ZNF525: variants seen among roughly 807,000 people sequenced by gnomAD.
The protein encoded by ZNF525 is zinc finger protein 525.
Under a neutral mutation model 37.6 loss-of-function variants are expected in ZNF525, and 33 were observed. The ratio of observed to expected loss-of-function variants is 0.88; its 90% CI spans 0.67 to 1.17. The LOEUF (loss-of-function observed/expected upper bound fraction) is 1.17. ZNF525 is among the 50% of genes most tolerant of loss of function. The pLI is 0.00. For missense variants in ZNF525, 449 were observed against 543.1 expected (o/e 0.83, Z 1.72); for synonymous variants, 170 against 182.3 (o/e 0.93, Z 0.54).
In ZNF525 at chr19:53,382,320, T is replaced by C. The variant is rs930300812; in HGVS notation, c.*301T>C. ...TCATACTGGAGAGAAACCTTACAAA[T>C]GTGAAGAATGTGATGAAACTTTCAG... On this transcript the variant is annotated 3_prime_UTR_variant, in exon 4 of 4. Coordinates refer to ENST00000474037, the MANE Select transcript of ZNF525 (RefSeq NM_001348156.2). 50 of 1,346,486 alleles carry C rather than the reference T, an allele frequency of 3.7e-5. No homozygotes were observed. The highest frequency in any genetic ancestry group is 1.8e-4 in the Middle Eastern group (1 of 5,534). The allele number at this position is 1,346,486 out of a possible 1,614,324, so 83.4% of individuals were successfully genotyped here.
intron 3 of ZNF525, among the ~76,000 whole-genome samples, chr19:53,378,027 G>C (rs1208392622): frequency 6.6e-6 from 1 of 152,182 alleles, no homozygotes; most frequent in Non-Finnish European, 1.5e-5. Context: ...TGTCCTGTCA[G>C]AAATAGCTTA....
chr19:53,376,360 CAG>C (rs1167487217), intron 3 of ZNF525: 4 of 700,304 alleles, frequency 5.7e-6, no homozygotes, highest in Non-Finnish European at 7.8e-6. Flanking sequence ...CTTCTGAGTG[CAG>C]AGTTAAATAT....
intron 1 of ZNF525, among the ~76,000 whole-genome samples, 158 bp from the exon 2 acceptor site, chr19:53,372,057 G>A (rs2085491366): frequency 6.6e-6 from 1 of 152,168 alleles, no homozygotes; most frequent in Non-Finnish European, 1.5e-5. Flanking sequence ...GGGAGTGGGA[G>A]TTTTCCTGTA....
chr19:53,382,492 A>G lies in ZNF525; in HGVS notation c.*473A>G, dbSNP rs532386290. 2.8e-6 allele frequency: 2 copies of G among 704,906 alleles called. No homozygotes were observed. Among genetic ancestry groups the G allele is most frequent in the Admixed American group, 3.7e-5 (2 of 54,500 alleles). The allele number at this position is 704,906 out of a possible 1,614,324, so 43.7% of individuals were successfully genotyped here. On this transcript the variant is annotated 3_prime_UTR_variant, in exon 4 of 4. Transcript: ENST00000474037. Reference sequence around the variant, plus strand: ...ACTGGAAATAAATCTTATAAGTGTAATGAGTGTGGCAAGACCTTCAGTAAG... The same window carrying G: ...ACTGGAAATAAATCTTATAAGTGTAGTGAGTGTGGCAAGACCTTCAGTAAG...
chr19:53,369,572 A>G (rs1179547410), intron 1 of ZNF525, among the ~76,000 whole-genome samples: 1 of 147,872 alleles, frequency 6.8e-6, no homozygotes, highest in East Asian at 1.9e-4. Flanking sequence ...TCTTAGTTCT[A>G]CAGCTGACCT....
chr19:53,381,572 G>C lies in ZNF525; in HGVS notation c.993G>C (p.Glu331Asp). 1 of 1,159,108 alleles carries C rather than the reference G, an allele frequency of 8.6e-7. No individual in the cohort carries two copies. The highest frequency in any genetic ancestry group is 1.2e-5 in the South Asian group (1 of 81,770). 71.8% of individuals were successfully genotyped at this position (1,159,108 alleles called of 1,614,324 possible). ...GAGAGAAACCACATAAGTGTAATGA[G>C]TGTGGCAAGACCTTTAGTCAGAAGT... ...HTGEKPHKCN[E>D]CGKTFSQKSY... The change falls in exon 4 of 4, where the codon GAG becomes GAC. Residue 331 changes from glutamate (E) to aspartate (D), a missense_variant. By Grantham distance (45) the Glu-to-Asp change is conservative. This residue lies in a region of ZNF525 where 178 missense variants were observed against 161.5 expected (regional missense o/e 1.10). Coordinates refer to ENST00000474037, the MANE Select transcript of ZNF525 (RefSeq NM_001348156.2).
intron 2 of ZNF525, among the ~76,000 whole-genome samples, chr19:53,372,999 CACAT>C (rs1351040062): frequency 1.3e-5 from 2 of 152,102 alleles, no homozygotes; most frequent in African/African-American, 4.8e-5. Context: ...TAACTTTTCT[CACAT>C]ATGAGAGCAG....
chr19:53,374,380 G>A (rs2085507692), intron 2 of ZNF525, among the ~76,000 whole-genome samples: 1 of 152,202 alleles, frequency 6.6e-6, no homozygotes, highest in Admixed American at 6.5e-5. Flanking sequence ...TTGGAAATTA[G>A]CTGAATGACA....
At position 53,381,616 on chromosome 19, in the gene ZNF525, G is replaced by A. The variant is rs768159228; in HGVS notation, c.1037G>A (p.Arg346His). The change falls in exon 4 of 4, where the codon CGT becomes CAT. Residue 346 changes from arginine to histidine, a missense_variant. Physicochemically the swap from Arg to His is conservative, Grantham distance 29. Around this residue, in one of 2 missense-constraint regions of ZNF525, gnomAD observed 178 missense variants for 161.5 expected, o/e 1.10. Coordinates refer to ENST00000474037, the MANE Select transcript of ZNF525 (RefSeq NM_001348156.2). The stretch of plus-strand genomic sequence containing the variant: ...CAGAAGTCATACCTTGCATGCCATC[G>A]TAGCATTCATACTGGAAAGAAACCT... ...FSQKSYLACHRSIHTGKKPYE... is the reference protein window; with the variant it reads ...FSQKSYLACHHSIHTGKKPYE... 2.1e-5 allele frequency: 23 copies of A among 1,101,680 alleles called. No individual in the cohort carries two copies. The highest frequency in any genetic ancestry group is 2.0e-4 in the African/African-American group (13 of 65,336). The allele number at this position is 1,101,680 out of a possible 1,614,324, so 68.2% of individuals were successfully genotyped here. A position where few individuals can be genotyped will look rare whatever the true frequency, so the allele number is the denominator to read the frequency against.
rs2085494533 is a variant in ZNF525 at position 53,372,512 on chromosome 19, A to G, written c.15+216A>G. ...AGGCTGCACTGGGCATGGTCTTGGG[A>G]AGGGCTCACAACCAGACATGGATGG... On this transcript the variant is annotated intron_variant, in intron 2 of 3. Coordinates refer to ENST00000474037, the MANE Select transcript of ZNF525 (RefSeq NM_001348156.2). 8 of 848,330 alleles carry G rather than the reference A, an allele frequency of 9.4e-6. 1 individual carries two copies. Among genetic ancestry groups the G allele is most frequent in the African/African-American group, 5.0e-5 (3 of 59,770 alleles). 52.6% of individuals were successfully genotyped at this position (848,330 alleles called of 1,614,324 possible).
At position 53,366,285 on chromosome 19, in the gene ZNF525, T is replaced by C. The variant is rs78908370; in HGVS notation, c.-68+526T>C. ...CCGCAGTCACAGCTTGCCCTGAGCCTGCGTTAGGGGAGGTGCCCGGGTTCT... is the reference window on the plus strand; with the variant it reads ...CCGCAGTCACAGCTTGCCCTGAGCCCGCGTTAGGGGAGGTGCCCGGGTTCT... On this transcript the variant is annotated intron_variant, in intron 1 of 3. Transcript: ENST00000474037. Among the ~76,000 whole-genome samples, 305 of 107,108 alleles carry C rather than the reference T, an allele frequency of 2.8e-3. 84 individuals carry two copies. Among genetic ancestry groups the C allele is most frequent in the East Asian group, 5.2e-3 (22 of 4,258 alleles). The allele number at this position is 107,108 out of a possible 152,430, so 70.3% of individuals were successfully genotyped here.
At position 53,376,195 on chromosome 19, in the gene ZNF525, C is replaced by T. The variant is rs567862911; in HGVS notation, c.142+299C>T. On this transcript the variant is annotated intron_variant, in intron 3 of 3. Coordinates refer to ENST00000474037, the MANE Select transcript of ZNF525 (RefSeq NM_001348156.2). Reference sequence around the variant, plus strand: ...TCTCCTGGGCTCAAGACATCCTCCTCGGCCTCCCAAGAAGCTGGGATTACA... The same window carrying T: ...TCTCCTGGGCTCAAGACATCCTCCTTGGCCTCCCAAGAAGCTGGGATTACA... 7.7e-5 allele frequency: 57 copies of T among 739,170 alleles called. 1 individual carries two copies. The highest frequency in any genetic ancestry group is 1.6e-4 in the African/African-American group (9 of 57,978). The allele number at this position is 739,170 out of a possible 1,614,324, so 45.8% of individuals were successfully genotyped here.
chr19:53,383,315 C>A lies in ZNF525; in HGVS notation c.*1296C>A. The A allele has an allele frequency of 1.4e-6, 2 of 1,414,354 alleles. 1 individual carries two copies. Among genetic ancestry groups the A allele is most frequent in the South Asian group, 2.3e-5 (2 of 87,206 alleles). The allele number at this position is 1,414,354 out of a possible 1,614,324, so 87.6% of individuals were successfully genotyped here. A position where few individuals can be genotyped will look rare whatever the true frequency, so the allele number is the denominator to read the frequency against. On this transcript the variant is annotated 3_prime_UTR_variant, in exon 4 of 4. Transcript: ENST00000474037. The stretch of plus-strand genomic sequence containing the variant: ...TAAAACAATTCATACTGGAGAGAAA[C>A]AAGCGTAATGAATGTGGCGAGGTTT...
Position 53,380,768 on chromosome 19 carries a change from A to G in ZNF525, c.189A>G (p.Gln63=), listed in dbSNP as rs776366784. ...TGAAGGAGTTCTCATCAACAGCACA[A>G]GGCAATACAGAAGTGATCCACACAG... The part of the protein sequence containing the change: ...CTMKEFSSTA[Q]GNTEVIHTGT... The change falls in exon 4 of 4, where the codon CAA becomes CAG. Residue 63 remains glutamine, a synonymous_variant. Coordinates refer to ENST00000474037, the MANE Select transcript of ZNF525 (RefSeq NM_001348156.2). 7.4e-7 allele frequency: 1 copy of G among 1,357,874 alleles called. No individual in the cohort carries two copies. The highest frequency in any genetic ancestry group is 2.3e-5 in the East Asian group (1 of 43,620). The allele number at this position is 1,357,874 out of a possible 1,614,324, so 84.1% of individuals were successfully genotyped here. A position where few individuals can be genotyped will look rare whatever the true frequency, so the allele number is the denominator to read the frequency against.
At position 53,381,698 on chromosome 19, in the gene ZNF525, T is replaced by C; in HGVS notation, c.1119T>C (p.His373=). ...AFSFKSNLES[H]RITHTGEKPY... ...GTTTCAAATCAAACCTTGAAAGTCA[T>C]AGGATAACTCATACTGGAGAGAAAC... The change falls in exon 4 of 4, where the codon CAT becomes CAC. Residue 373 remains histidine (H), a synonymous_variant. Transcript: ENST00000474037. 9.1e-7 allele frequency: 1 copy of C among 1,100,024 alleles called. No individual in the cohort carries two copies. Among genetic ancestry groups the C allele is most frequent in the South Asian group, 1.2e-5 (1 of 80,570 alleles). The allele number at this position is 1,100,024 out of a possible 1,614,324, so 68.1% of individuals were successfully genotyped here. A position where few individuals can be genotyped will look rare whatever the true frequency, so the allele number is the denominator to read the frequency against.
At position 53,381,578 on chromosome 19, in the gene ZNF525, C is replaced by A; in HGVS notation, c.999C>A (p.Gly333=). ...AACCACATAAGTGTAATGAGTGTGG[C>A]AAGACCTTTAGTCAGAAGTCATACC... ...GEKPHKCNEC[G]KTFSQKSYLA... Residue 333 remains glycine (G), a synonymous_variant, in exon 4 of 4, where the codon GGC becomes GGA. Coordinates refer to ENST00000474037, the MANE Select transcript of ZNF525 (RefSeq NM_001348156.2). 8.7e-7 allele frequency: 1 copy of A among 1,151,082 alleles called. No homozygotes were observed. The highest frequency in any genetic ancestry group is 1.3e-6 in the Non-Finnish European group (1 of 756,890). 71.3% of individuals were successfully genotyped at this position (1,151,082 alleles called of 1,614,324 possible).
chr19:53,382,754 T>G lies in ZNF525; in HGVS notation c.*735T>G. On this transcript the variant is annotated 3_prime_UTR_variant, in exon 4 of 4. Transcript: ENST00000474037. Reference sequence around the variant, plus strand: ...TTACAAGTGTGATAAATGTGACAAATTTTTCAGACATCGTTCATACCTTGC... The same window carrying G: ...TTACAAGTGTGATAAATGTGACAAAGTTTTCAGACATCGTTCATACCTTGC... 1.1e-6 allele frequency: 1 copy of G among 902,890 alleles called. No individual in the cohort carries two copies. The highest frequency in any genetic ancestry group is 1.8e-6 in the Non-Finnish European group (1 of 557,540). The allele number at this position is 902,890 out of a possible 1,614,324, so 55.9% of individuals were successfully genotyped here. A position where few individuals can be genotyped will look rare whatever the true frequency, so the allele number is the denominator to read the frequency against.
At chr19:53,379,681 T>C (rs1314337173) in intron 3 of ZNF525, among the ~76,000 whole-genome samples, 1 of 152,238 alleles carries the variant, frequency 6.6e-6, no homozygotes, top group Non-Finnish European at 1.5e-5. Flanking sequence ...TGGTATGCAA[T>C]ATAACTGACA....
At position 53,385,725 on chromosome 19, in the gene ZNF525, T is replaced by C. The variant is rs1455404094; in HGVS notation, c.*3706T>C. The C allele has an allele frequency of 1.3e-5, 2 of 155,700 alleles. No homozygotes were observed. The highest frequency in any genetic ancestry group is 2.8e-5 in the Non-Finnish European group (2 of 70,492). The allele number at this position is 155,700 out of a possible 1,614,324, so 9.6% of individuals were successfully genotyped here. A position where few individuals can be genotyped will look rare whatever the true frequency, so the allele number is the denominator to read the frequency against. The stretch of plus-strand genomic sequence containing the variant: ...TTGTGGTAACGTTTGGGTAGAGGAA[T>C]AATGAAATCATTGATGCTTTATAAA... On this transcript the variant is annotated 3_prime_UTR_variant, in exon 4 of 4. Transcript: ENST00000474037.
Sources: allele counts gnomAD v4.1 joint callset (sites outside exome capture counted in the v4.1 genomes callset), GRCh38; gene constraint gnomAD v4.1.1; regional missense constraint gnomAD v4.1.1; transcripts MANE v1.5; gene names NCBI Gene and HGNC (gene_info 2026-07-23, HGNC 2026-07-21).